GRIP1: variants seen among roughly 807,000 people sequenced by gnomAD.
GRIP1 encodes glutamate receptor interacting protein 1.
GRIP1 carries 45 observed loss-of-function variants against 129.9 expected under a neutral mutation model. The ratio of observed to expected loss-of-function variants is 0.35; its 90% CI spans 0.27 to 0.44. The LOEUF (loss-of-function observed/expected upper bound fraction) is 0.44. Among genes scored for constraint, GRIP1 ranks in the 20% least tolerant of loss-of-function variants. The pLI is 1.00. For synonymous variants in GRIP1, 530 were observed against 520.8 expected, an observed-to-expected ratio of 1.02 and a Z score of -0.24; for missense variants, 1,196 against 1,396.8, an observed-to-expected ratio of 0.86 and a Z score of 2.29.
At chr12:66,442,025 C>T (rs766727402) in intron 13 of GRIP1, among the ~76,000 whole-genome samples, 6 of 152,302 alleles carry the variant, frequency 3.9e-5, no homozygotes, top group South Asian at 2.1e-4. Context: ...TCATGCCTTA[C>T]GTGTCCAACT....
chr12:66,915,150 G>C (rs74098146), intron 1 of GRIP1, among the ~76,000 whole-genome samples: 11,143 of 152,220 alleles, frequency 0.073, 610 homozygotes, highest in East Asian at 0.18. Context: ...AAGAAAACTT[G>C]GGAGACTGGA....
chr12:66,668,160 G>T (rs1269094793), intron 1 of GRIP1, among the ~76,000 whole-genome samples: 1 of 152,148 alleles, frequency 6.6e-6, no homozygotes, highest in East Asian at 1.9e-4. Context: ...CATTTGGAAG[G>T]CATACATTTA....
chr12:66,979,234 A>ACAAC (rs1417776059), intron 1 of GRIP1, among the ~76,000 whole-genome samples: 38 of 98,580 alleles, frequency 3.9e-4, no homozygotes, highest in African/African-American at 1.5e-3. Flanking sequence ...AAAAAAAAAA[A>ACAAC]AAAAAAAAAA....
chr12:66,591,717 T>C (rs2063852162), intron 2 of GRIP1, among the ~76,000 whole-genome samples: 1 of 152,060 alleles, frequency 6.6e-6, no homozygotes, highest in Non-Finnish European at 1.5e-5. Flanking sequence ...GCAGCCTTGA[T>C]TTCCTGGGCT....
intron 1 of GRIP1, among the ~76,000 whole-genome samples, chr12:66,895,783 G>C (rs377619479): frequency 6.6e-6 from 1 of 152,164 alleles, no homozygotes; most frequent in East Asian, 1.9e-4. Context: ...CAGAAGATGA[G>C]GAAGTTATAT....
At chr12:66,356,870 ATTTTAT>A (rs2054512593) in intron 23 of GRIP1, among the ~76,000 whole-genome samples, 1 of 152,018 alleles carries the variant, frequency 6.6e-6, no homozygotes, top group Admixed American at 6.6e-5. Context: ...TTTTATTTTT[ATTTTAT>A]TTTTAATTTT....
At chr12:66,354,858 G>T (rs1450328783) in intron 23 of GRIP1, among the ~76,000 whole-genome samples, 1 of 152,142 alleles carries the variant, frequency 6.6e-6, no homozygotes, top group African/African-American at 2.4e-5. Flanking sequence ...TGGACAGACA[G>T]CTAAAATATC....
At chr12:66,890,168 A>G (rs1379989448) in intron 1 of GRIP1, among the ~76,000 whole-genome samples, 2 of 152,084 alleles carry the variant, frequency 1.3e-5, no homozygotes, top group East Asian at 1.9e-4. Context: ...GGCTCAAGCA[A>G]TGTTCCCACC....
intron 7 of GRIP1, among the ~76,000 whole-genome samples, chr12:66,491,493 T>C (rs1254818932): frequency 1.3e-5 from 2 of 151,976 alleles, no homozygotes; most frequent in East Asian, 3.9e-4. Context: ...AGGGAGAGCA[T>C]CAGAAAGAAT....
intron 1 of GRIP1, among the ~76,000 whole-genome samples, chr12:66,789,605 T>C (rs554528158): frequency 6.6e-6 from 1 of 151,016 alleles, no homozygotes; most frequent in South Asian, 2.1e-4. Context: ...CATAATTAAT[T>C]TGCTGTTTAC....
intron 1 of GRIP1, among the ~76,000 whole-genome samples, chr12:66,780,782 G>T (rs539550371): frequency 6.6e-6 from 1 of 152,080 alleles, no homozygotes; most frequent in East Asian, 1.9e-4. Context: ...ATGCACTGCC[G>T]CTTTGCCCTC....
At chr12:66,660,940 A>G (rs952282454) in intron 1 of GRIP1, among the ~76,000 whole-genome samples, 1 of 152,074 alleles carries the variant, frequency 6.6e-6, no homozygotes, top group African/African-American at 2.4e-5. Flanking sequence ...GTATACAAAT[A>G]TATATTATAC....
chr12:67,035,272 T>G (rs948521934), intron 1 of GRIP1, among the ~76,000 whole-genome samples: 24 of 152,174 alleles, frequency 1.6e-4, no homozygotes, highest in Non-Finnish European at 3.4e-4. Flanking sequence ...CTCTTTTATC[T>G]GAGGATATCC....
intron 2 of GRIP1, among the ~76,000 whole-genome samples, chr12:66,577,293 G>T (rs929283150): frequency 2.2e-5 from 2 of 91,134 alleles, no homozygotes; most frequent in African/African-American, 6.9e-5. Context: ...GGTAAGGAAT[G>T]CTCAACAGAG....
intron 1 of GRIP1, among the ~76,000 whole-genome samples, chr12:66,876,506 A>G (rs1281610295): frequency 1.3e-5 from 2 of 152,118 alleles, no homozygotes; most frequent in East Asian, 1.9e-4. Context: ...ACATTTCCTC[A>G]TAATTATCAT....
intron 1 of GRIP1, among the ~76,000 whole-genome samples, chr12:66,700,431 CTT>C (rs57728495): frequency 2.2e-4 from 30 of 138,028 alleles, no homozygotes; most frequent in Admixed American, 2.2e-4. Flanking sequence ...CCAGTGGCAG[CTT>C]TTTTTTTTTT....
chr12:66,739,553 A>G (rs1334517918), intron 1 of GRIP1, among the ~76,000 whole-genome samples: 1 of 152,060 alleles, frequency 6.6e-6, no homozygotes, highest in African/African-American at 2.4e-5. Flanking sequence ...TAGTGAGGGG[A>G]GCATTTAATA....
intron 19 of GRIP1, among the ~76,000 whole-genome samples, chr12:66,384,331 C>A (rs1007873489): frequency 6.6e-6 from 1 of 152,212 alleles, no homozygotes; most frequent in African/African-American, 2.4e-5. Flanking sequence ...ACTCTCATTT[C>A]TATTTCTCAA....
intron 7 of GRIP1, among the ~76,000 whole-genome samples, chr12:66,483,638 T>C (rs2059869008): frequency 6.6e-6 from 1 of 152,234 alleles, no homozygotes; most frequent in Admixed American, 6.5e-5. Flanking sequence ...ACAGATTTTT[T>C]TGGTACCCTG....
Sources: allele counts gnomAD v4.1 joint callset (sites outside exome capture counted in the v4.1 genomes callset), GRCh38; gene constraint gnomAD v4.1.1; transcripts MANE v1.5; gene names NCBI Gene and HGNC (gene_info 2026-07-23, HGNC 2026-07-21).